The following PPP1R13L variants were observed in gnomAD, a reference collection of about 807,000 sequenced individuals.
PPP1R13L encodes relA-associated inhibitor.
In PPP1R13L, 50 loss-of-function variants were observed where a neutral mutation model predicts 80.9. The observed-to-expected ratio is 0.62, with a 90% confidence interval of 0.49 to 0.78. The LOEUF (loss-of-function observed/expected upper bound fraction) is 0.78. PPP1R13L is among the 30% of genes least tolerant of loss of function. The pLI is 0.00. For missense variants in PPP1R13L, 1,200 were observed against 1,205.9 expected (o/e 1.00, Z 0.07); for synonymous variants, 602 against 534.3 (o/e 1.13, Z -1.75).
At chr19:45,388,939 T>C (rs978776552) in intron 8 of PPP1R13L, among the ~76,000 whole-genome samples, 1 of 151,930 alleles carries the variant, frequency 6.6e-6, no homozygotes, top group African/African-American at 2.4e-5. Context: ...GGTTTCACCA[T>C]GTTGGCGAGG....
At position 45,396,173 on chromosome 19, in the gene PPP1R13L, C is replaced by G. The variant is rs767430533; in HGVS notation, c.898G>C (p.Gly300Arg). 3 of 1,607,008 alleles carry G rather than the reference C, an allele frequency of 1.9e-6. No homozygotes were observed. Among genetic ancestry groups the G allele is most frequent in the East Asian group, 2.2e-5 (1 of 44,634 alleles). Reference sequence around the variant, plus strand: ...CCCAGGCGTCGCCTCCTCACCTTGCCGGTGCCCCCCAGTCCATCCAGGCTG... The same window carrying G: ...CCCAGGCGTCGCCTCCTCACCTTGCGGGTGCCCCCCAGTCCATCCAGGCTG... ...ESSLDGLGGT[G>R]KDNLTSATLP... Residue 300 changes from glycine (G) to arginine (R), a missense_variant, in exon 6 of 13, where the codon GGC becomes CGC. Physicochemically the swap from Gly to Arg is moderately radical, Grantham distance 125. Around this residue, in one of 5 missense-constraint regions of PPP1R13L, gnomAD observed 764 missense variants for 714.5 expected, o/e 1.07. Transcript: ENST00000360957. The surrounding 1 kb of genome is among the most constrained non-coding windows in gnomAD (Gnocchi z 5.3).
In PPP1R13L at chr19:45,395,335, G is replaced by A. The variant is rs749504758; in HGVS notation, c.1354+101C>T. On this transcript the variant is annotated intron_variant, in intron 7 of 12. Coordinates refer to ENST00000360957, the MANE Select transcript of PPP1R13L (RefSeq NM_006663.4). ...TCTGCAGGGACAGTGCTTGTAAAGA[G>A]GCATTTGGCTGTGATCTCCCCACCT... is the stretch of plus-strand genomic sequence containing the variant. 9 of 1,445,270 alleles carry A rather than the reference G, an allele frequency of 6.2e-6. No individual in the cohort carries two copies. The East Asian group carries it at 2.2e-4, about 35-fold the overall frequency. The allele number at this position is 1,445,270 out of a possible 1,614,324, so 89.5% of individuals were successfully genotyped here.
At chr19:45,395,222 A>C in intron 7 of PPP1R13L, 5 of 617,348 alleles carry the variant, frequency 8.1e-6, no homozygotes, top group East Asian at 6.2e-5. Flanking sequence ...ACAGCGTGGA[A>C]CCAGGCAGTC....
At chr19:45,399,360 C>G (rs937636833) in intron 1 of PPP1R13L, among the ~76,000 whole-genome samples, 2 of 151,010 alleles carry the variant, frequency 1.3e-5, no homozygotes, top group Non-Finnish European at 2.9e-5. Context: ...CGCGGTGGCT[C>G]ACGCCTGTAA....
rs776304474 is a variant in PPP1R13L, at chr19:45,382,683, G to T, written c.2292C>A (p.Tyr764Ter). The T allele has an allele frequency of 4.3e-6, 7 of 1,613,914 alleles. No individual in the cohort carries two copies. Among genetic ancestry groups the T allele is most frequent in the Non-Finnish European group, 8.5e-7 (1 of 1,180,056 alleles). Residue 764 changes from tyrosine to a stop codon, truncating the protein, a stop_gained, in exon 12 of 13, where the codon TAC becomes TAA. Coordinates refer to ENST00000360957, the MANE Select transcript of PPP1R13L (RefSeq NM_006663.4). LOFTEE classifies it high-confidence loss of function. ...SMGLMNSGAV[Y>*]ALWDYSAEFG... ...ACTCGGCGCTGTAGTCCCAGAGAGC[G>T]TACACTGCCCCGCTGTTCATCAGCC...
rs1265188148 is a variant in PPP1R13L at position 45,388,714 on chromosome 19, A to AT, written c.1816-2535dup. 3.4e-5 allele frequency among the ~76,000 whole-genome samples: 5 copies of AT among 145,654 alleles called. No individual in the cohort carries two copies. The East Asian group carries it at 7.7e-4, about 23-fold the overall frequency. On this transcript the variant is annotated intron_variant, in intron 8 of 12. Coordinates refer to ENST00000360957, the MANE Select transcript of PPP1R13L (RefSeq NM_006663.4). ...AGTCTATGATACTAACTTTATAATT[A>AT]TTTTTTTTAAGAGAAGAGTTTCCTT...
At chr19:45,402,578 G>A (rs1222042863) in intron 1 of PPP1R13L, among the ~76,000 whole-genome samples, 1 of 152,220 alleles carries the variant, frequency 6.6e-6, no homozygotes, top group African/African-American at 2.4e-5. Flanking sequence ...AGCGGGCCCG[G>A]GCAGGTGCTG....
At position 45,392,122 on chromosome 19, in the gene PPP1R13L, C is replaced by T. The variant is rs747698212; in HGVS notation, c.1573G>A (p.Gly525Ser). Residue 525 changes from glycine to serine, a missense_variant, in exon 8 of 13, where the codon GGC becomes AGC. By Grantham distance (56) the Gly-to-Ser change is moderately conservative. This residue lies in a region of PPP1R13L where 53 missense variants were observed against 96.5 expected (regional missense o/e 0.55). Coordinates refer to ENST00000360957, the MANE Select transcript of PPP1R13L (RefSeq NM_006663.4). Reference protein sequence around the residue: ...AEIPRPLKRRGSMEQAPAVAL... With the variant: ...AEIPRPLKRRSSMEQAPAVAL... Reference sequence around the variant, plus strand: ...ACAGCAGGGGCCTGCTCCATGGAGCCCCTGCGTTTGAGGGGCCGGGGAATT... The same window carrying T: ...ACAGCAGGGGCCTGCTCCATGGAGCTCCTGCGTTTGAGGGGCCGGGGAATT... The T allele has an allele frequency of 6.4e-7, 1 of 1,566,912 alleles. No homozygotes were observed. Among genetic ancestry groups the T allele is most frequent in the Non-Finnish European group, 8.7e-7 (1 of 1,154,608 alleles).
chr19:45,402,977 G>C (rs1431194649), intron 1 of PPP1R13L, among the ~76,000 whole-genome samples: 6 of 152,210 alleles, frequency 3.9e-5, no homozygotes, highest in African/African-American at 1.4e-4. Flanking sequence ...AATCTGGAGA[G>C]GCTCCACTGT....
At chr19:45,405,540 G>C (rs573057973), upstream of PPP1R13L, among the ~76,000 whole-genome samples, 2 of 152,350 alleles carry the variant, frequency 1.3e-5, no homozygotes, top group Admixed American at 1.3e-4. Context: ...TTTGCCTCGG[G>C]TCCTGTGGGA....
In PPP1R13L at chr19:45,392,074, TC is replaced by T; in HGVS notation, c.1620del (p.Lys541AsnfsTer96). 1 of 1,540,102 alleles carries T rather than the reference TC, an allele frequency of 6.5e-7. No individual in the cohort carries two copies. Among genetic ancestry groups the T allele is most frequent in the Non-Finnish European group, 8.7e-7 (1 of 1,144,730 alleles). On this transcript the variant is annotated frameshift_variant, in exon 8 of 13. Coordinates refer to ENST00000360957, the MANE Select transcript of PPP1R13L (RefSeq NM_006663.4). LOFTEE classifies it high-confidence loss of function. ...CGGCTGATGATCTGCTGGTACTGTTTCTTGTGGGTAGGGGGCAGGGCCACAG... is the reference window on the plus strand; with the variant it reads ...CGGCTGATGATCTGCTGGTACTGTTTTTGTGGGTAGGGGGCAGGGCCACAG... ...APAVALPPTH[K>X]KQYQQIISRL...
chr19:45,398,333 C>A lies in PPP1R13L; in HGVS notation c.-15G>T, dbSNP rs372999451. On this transcript the variant is annotated 5_prime_UTR_variant, in exon 2 of 13. Coordinates refer to ENST00000360957, the MANE Select transcript of PPP1R13L (RefSeq NM_006663.4). ...TCGCTGTCCATGGTGCCGGCCGGAG[C>A]GGGCGCCTGCATGGTGGGGAGGGAG... is the stretch of plus-strand genomic sequence containing the variant. 6 of 1,612,986 alleles carry A rather than the reference C, an allele frequency of 3.7e-6. No homozygotes were observed. In the East Asian group the frequency reaches 6.7e-5, roughly 18 times the overall value.
At chr19:45,403,730 T>C (rs1973273906) in intron 1 of PPP1R13L, among the ~76,000 whole-genome samples, 1 of 152,194 alleles carries the variant, frequency 6.6e-6, no homozygotes, top group Non-Finnish European at 1.5e-5. Context: ...TTATTTTTAA[T>C]TTCATTTCAG....
intron 1 of PPP1R13L, 121 bp from the exon 2 acceptor site, chr19:45,398,460 C>A (rs1973161665): frequency 1.0e-6 from 1 of 968,920 alleles, no homozygotes; most frequent in Non-Finnish European, 1.5e-6. Flanking sequence ...CCTGGAAGCC[C>A]TTTACCCTTT....
chr19:45,384,321 G>T (rs565506516), intron 11 of PPP1R13L, among the ~76,000 whole-genome samples: 3 of 136,464 alleles, frequency 2.2e-5, no homozygotes, highest in African/African-American at 8.3e-5. Context: ...AGGGGTTTGA[G>T]ACCAGCCTGG....
At chr19:45,404,834 T>C (rs1456982236) in intron 1 of PPP1R13L, among the ~76,000 whole-genome samples, 165 bp downstream of exon 1, 3 of 152,118 alleles carry the variant, frequency 2.0e-5, no homozygotes, top group Non-Finnish European at 4.4e-5. Flanking sequence ...CCGCTTTCCT[T>C]CCCTCCAGTA....
At chr19:45,395,263 C>A (rs1211497070) in intron 7 of PPP1R13L, 173 bp downstream of exon 7, 2 of 842,122 alleles carry the variant, frequency 2.4e-6, no homozygotes. Flanking sequence ...AACCTTTGAG[C>A]TATCCCTGGC....
upstream of PPP1R13L, among the ~76,000 whole-genome samples, chr19:45,405,849 G>A (rs1048743195): frequency 1.3e-5 from 2 of 152,182 alleles, no homozygotes; most frequent in Non-Finnish European, 2.9e-5. Flanking sequence ...CGGCCCCAGT[G>A]GGAAGGGAAG....
At chr19:45,393,010 A>G (rs1463064377) in intron 7 of PPP1R13L, 1 of 137,100 alleles carries the variant, frequency 7.3e-6, no homozygotes, top group Non-Finnish European at 1.5e-5. Flanking sequence ...TACTAAAAAT[A>G]CAAAAAAAAA....
Sources: allele counts gnomAD v4.1 joint callset (sites outside exome capture counted in the v4.1 genomes callset), GRCh38; gene constraint gnomAD v4.1.1; regional missense constraint gnomAD v4.1.1; non-coding constraint Gnocchi (gnomAD v3.1); transcripts MANE v1.5; gene names NCBI Gene and HGNC (gene_info 2026-07-23, HGNC 2026-07-21).